Variants in ASB5 observed in about 807,000 individuals in gnomAD.
ASB5 encodes ankyrin repeat and SOCS box protein 5.
Under a neutral mutation model 42.1 loss-of-function variants are expected in ASB5, and 45 were observed. The ratio of observed to expected loss-of-function variants is 1.07; its 90% CI spans 0.84 to 1.37. The LOEUF is 1.37. ASB5 is among the 40% of genes most tolerant of loss of function. The pLI is 0.00. For synonymous variants in ASB5, 147 were observed against 150.6 expected, an observed-to-expected ratio of 0.98 and a Z score of 0.18; for missense variants, 402 against 399.8, an observed-to-expected ratio of 1.01 and a Z score of -0.05.
upstream of ASB5, among the ~76,000 whole-genome samples, chr4:176,274,148 G>A (rs547476544): frequency 3.9e-5 from 6 of 152,230 alleles, no homozygotes; most frequent in Admixed American, 6.5e-5. Flanking sequence ...GAAATAGCTC[G>A]CCTAGGAATT....
intron 1 of ASB5, among the ~76,000 whole-genome samples, chr4:176,233,497 C>G (rs916832421): frequency 2.0e-5 from 3 of 152,108 alleles, no homozygotes; most frequent in African/African-American, 7.2e-5. Context: ...TTTCATTTCT[C>G]TATTGGTTTA....
upstream of ASB5, among the ~76,000 whole-genome samples, chr4:176,272,918 T>C (rs1754495290): frequency 6.6e-6 from 1 of 150,566 alleles, no homozygotes; most frequent in Non-Finnish European, 1.5e-5. Flanking sequence ...AGGAGGGAAA[T>C]ATAGTGACCC....
In ASB5 at chr4:176,249,054, C is replaced by T. The variant is rs547991510; in HGVS notation, c.196+19859G>A. On this transcript the variant is annotated intron_variant, in intron 1 of 6. Coordinates refer to ENST00000296525, the MANE Select transcript of ASB5 (RefSeq NM_080874.4). ...TGATCTTGGCTCCCTGAAACCTCTG[C>T]TTCCCGGGTCCCAACGATTCTCCTG... Among the ~76,000 whole-genome samples, 13 of 152,362 alleles carry T rather than the reference C, an allele frequency of 8.5e-5. No individual in the cohort carries two copies. In the South Asian group the frequency reaches 2.3e-3, roughly 27 times the overall value.
chr4:176,223,021 A>G lies in ASB5; in HGVS notation c.277-601T>C, dbSNP rs564954990. ...TCTTGATCTCCTGACCTCGTGATCC[A>G]CCCACCTTGGCCTCCCAAAGTGCTG... On this transcript the variant is annotated intron_variant, in intron 2 of 6. Transcript: ENST00000296525. Among the ~76,000 whole-genome samples, 40 of 152,030 alleles carry G rather than the reference A, an allele frequency of 2.6e-4. No homozygotes were observed. In the South Asian group the frequency reaches 6.0e-3, roughly 23 times the overall value.
At chr4:176,263,897 GA>G (rs1030764138) in intron 1 of ASB5, among the ~76,000 whole-genome samples, 7 of 151,662 alleles carry the variant, frequency 4.6e-5, no homozygotes, top group Admixed American at 2.0e-4. Flanking sequence ...TATTAATGGA[GA>G]AAAAAAAGAT....
chr4:176,254,600 C>T (rs7687576), intron 1 of ASB5, among the ~76,000 whole-genome samples: 32,006 of 150,676 alleles, frequency 0.21, 3,452 homozygotes, highest in East Asian at 0.26. Flanking sequence ...AAACTATTAA[C>T]GGAGTAAACA....
At chr4:176,272,933 T>G (rs1300007310), upstream of ASB5, among the ~76,000 whole-genome samples, 1 of 147,472 alleles carries the variant, frequency 6.8e-6, no homozygotes, top group Non-Finnish European at 1.5e-5. Context: ...TGACCCACCT[T>G]CGATGACCTT....
chr4:176,260,563 A>T (rs967145889), intron 1 of ASB5, among the ~76,000 whole-genome samples: 1 of 152,214 alleles, frequency 6.6e-6, no homozygotes, highest in African/African-American at 2.4e-5. Context: ...TTCCAGTCTA[A>T]AAAGCCAATG....
At chr4:176,219,450 GAT>G (rs1753116343) in intron 5 of ASB5, among the ~76,000 whole-genome samples, 1 of 66,224 alleles carries the variant, frequency 1.5e-5, no homozygotes, top group African/African-American at 5.3e-5. Flanking sequence ...ATATTTGTAT[GAT>G]ATATAAATAT....
chr4:176,267,438 G>A (rs768381062), intron 1 of ASB5, among the ~76,000 whole-genome samples: 10 of 151,994 alleles, frequency 6.6e-5, no homozygotes, highest in Non-Finnish European at 1.2e-4. Flanking sequence ...CACCTTAGGC[G>A]GACAATGTTG....
At chr4:176,235,084 C>T (rs752791560) in intron 1 of ASB5, among the ~76,000 whole-genome samples, 6 of 152,108 alleles carry the variant, frequency 3.9e-5, no homozygotes, top group African/African-American at 7.2e-5. Context: ...ACTCATAGGG[C>T]ACTTGGTGGA....
At chr4:176,239,270 T>A (rs1015116555) in intron 1 of ASB5, among the ~76,000 whole-genome samples, 1 of 152,212 alleles carries the variant, frequency 6.6e-6, no homozygotes, top group Non-Finnish European at 1.5e-5. Flanking sequence ...ACAGTAAAAG[T>A]AAATTTTAAT....
rs1754034380 is a variant in ASB5, at chr4:176,251,545, C to G, written c.196+17368G>C. ...CCACTGCACTCCAGCCTGGGCGACA[C>G]AGTGAGACTCTGTCTCATTAAAAAA... is the stretch of plus-strand genomic sequence containing the variant. On this transcript the variant is annotated intron_variant, in intron 1 of 6. Coordinates refer to ENST00000296525, the MANE Select transcript of ASB5 (RefSeq NM_080874.4). Among the ~76,000 whole-genome samples, 2 of 58,306 alleles carry G rather than the reference C, an allele frequency of 3.4e-5. 1 individual carries two copies. The highest frequency in any genetic ancestry group is 5.6e-4 in the Admixed American group (2 of 3,596). 38.3% of individuals were successfully genotyped at this position (58,306 alleles called of 152,430 possible).
intron 1 of ASB5, chr4:176,241,693 TGA>T: frequency 7.7e-7 from 1 of 1,305,378 alleles, no homozygotes; most frequent in Non-Finnish European, 9.7e-7. Context: ...AGATGAGGTC[TGA>T]GAGTAAGCCT....
rs756524077 is a variant in ASB5 at position 176,222,337 on chromosome 4, T to C, written c.360A>G (p.Arg120=). 2.5e-5 allele frequency: 41 copies of C among 1,613,054 alleles called. No individual in the cohort carries two copies. The highest frequency in any genetic ancestry group is 4.5e-5 in the East Asian group (2 of 44,834). ...ACLGDHVACA[R]TLLEAGANVN... ...CATTAGCTCCTGCTTCCAGCAGAGT[T>C]CTGGCACATGCCACGTGATCTCCAA... The change falls in exon 3 of 7, where the codon AGA becomes AGG. Residue 120 remains arginine (R), a synonymous_variant. Transcript: ENST00000296525.
At chr4:176,251,933 G>A (rs1330683091) in intron 1 of ASB5, among the ~76,000 whole-genome samples, 1 of 151,598 alleles carries the variant, frequency 6.6e-6, no homozygotes, top group Non-Finnish European at 1.5e-5. Flanking sequence ...AGGCATGGTG[G>A]TACACACCTG....
intron 1 of ASB5, among the ~76,000 whole-genome samples, chr4:176,241,088 T>A (rs1239943676): frequency 1.3e-5 from 2 of 152,200 alleles, no homozygotes; most frequent in Admixed American, 6.5e-5. Context: ...TATAATTTCA[T>A]CCATAAATAT....
At chr4:176,262,566 T>C (rs1043465791) in intron 1 of ASB5, among the ~76,000 whole-genome samples, 2 of 152,222 alleles carry the variant, frequency 1.3e-5, no homozygotes, top group East Asian at 3.9e-4. Flanking sequence ...TACATTTCTC[T>C]GTATAGCACC....
intron 2 of ASB5, 35 bp from the exon 3 acceptor site, chr4:176,222,455 A>G (rs1561252931): frequency 1.3e-6 from 2 of 1,524,250 alleles, no homozygotes; most frequent in Non-Finnish European, 9.1e-7. Flanking sequence ...GTGAGCAAAG[A>G]GTTATATACT....
Sources: gnomAD v4.1 joint callset for allele counts (sites outside exome capture counted in the v4.1 genomes callset) on GRCh38, gnomAD v4.1.1 for gene constraint, MANE v1.5 for transcripts, NCBI Gene and HGNC (gene_info 2026-07-23, HGNC 2026-07-21) for gene names.